TUSC3: variants seen among roughly 807,000 people sequenced by gnomAD.
TUSC3 encodes the protein tumor suppressor candidate 3, also known as dolichyl-diphosphooligosaccharide--protein glycosyltransferase subunit TUSC3.
Under a neutral mutation model 44.8 loss-of-function variants are expected in TUSC3, and 45 were observed. The ratio of observed to expected loss-of-function variants is 1.00; its 90% CI spans 0.79 to 1.29. TUSC3 has a LOEUF of 1.29. TUSC3 is among the 50% of genes most tolerant of loss of function. The probability of loss-of-function intolerance (pLI) is 0.00; values close to 1 mark genes in which losing one functional copy is unlikely to be tolerated. For missense variants in TUSC3, 519 were observed against 437.9 expected (o/e 1.19, Z -1.65); for synonymous variants, 212 against 152.9 (o/e 1.39, Z -2.85).
intron 1 of TUSC3, among the ~76,000 whole-genome samples, chr8:15,481,012 C>G (rs532353793): frequency 2.6e-5 from 4 of 152,176 alleles, no homozygotes; most frequent in African/African-American, 7.2e-5. Flanking sequence ...CTTTGGGAGG[C>G]CAAGGTGGGC....
At chr8:15,758,006 CATT>C (rs1167207402) in intron 10 of TUSC3, 151 bp downstream of exon 10, 3 of 1,441,772 alleles carry the variant, frequency 2.1e-6, no homozygotes, top group Non-Finnish European at 2.7e-6. Flanking sequence ...TCCAGTCTTA[CATT>C]ATTATGTTTA....
intron 1 of TUSC3, among the ~76,000 whole-genome samples, chr8:15,583,331 C>T (rs927397216): frequency 6.6e-5 from 10 of 151,970 alleles, no homozygotes; most frequent in South Asian, 2.1e-4. Flanking sequence ...TAATAAAATG[C>T]GGAACTAATA....
chr8:15,524,477 C>T (rs1029609073), intron 2 of TUSC3, among the ~76,000 whole-genome samples: 14 of 151,964 alleles, frequency 9.2e-5, no homozygotes, highest in East Asian at 3.9e-4. Context: ...AGAGGCTTTG[C>T]GTAAATTGAT....
chr8:15,520,287 C>G (rs1801280133), intron 2 of TUSC3, among the ~76,000 whole-genome samples: 1 of 152,144 alleles, frequency 6.6e-6, no homozygotes, highest in Admixed American at 6.6e-5. Context: ...TCTTTAACAT[C>G]TTGAAGACAA....
intron 2 of TUSC3, among the ~76,000 whole-genome samples, chr8:15,522,392 A>C (rs1563273240): frequency 6.6e-6 from 1 of 151,980 alleles, no homozygotes; most frequent in Non-Finnish European, 1.5e-5. Context: ...GCCAGCACAC[A>C]TGTCTAAATT....
intron 6 of TUSC3, among the ~76,000 whole-genome samples, chr8:15,691,341 T>G (rs995306430): frequency 6.6e-6 from 1 of 152,180 alleles, no homozygotes; most frequent in Non-Finnish European, 1.5e-5. Flanking sequence ...ATGCTATTGA[T>G]TTTTCTGCAT....
chr8:15,476,544 T>C (rs2129123796), intron 1 of TUSC3, among the ~76,000 whole-genome samples: 1 of 152,320 alleles, frequency 6.6e-6, no homozygotes, highest in African/African-American at 2.4e-5. Flanking sequence ...TTCTACATCG[T>C]GCTCAAGAAT....
chr8:15,703,591 G>A (rs1241700146), intron 6 of TUSC3, among the ~76,000 whole-genome samples: 1 of 152,144 alleles, frequency 6.6e-6, no homozygotes, highest in Admixed American at 6.6e-5. Flanking sequence ...AGTACAAGAA[G>A]CATGGCGCCA....
intron 1 of TUSC3, among the ~76,000 whole-genome samples, chr8:15,446,207 T>C (rs1763103690): frequency 7.3e-6 from 1 of 136,428 alleles, no homozygotes; most frequent in Admixed American, 7.3e-5. Flanking sequence ...TCTCAGACGT[T>C]GGGTGGCCGG....
chr8:15,735,438 A>G (rs945580963), intron 7 of TUSC3, among the ~76,000 whole-genome samples: 2 of 152,198 alleles, frequency 1.3e-5, no homozygotes, highest in African/African-American at 4.8e-5. Flanking sequence ...CCTAAGATTG[A>G]TTAGGCCTCA....
intron 1 of TUSC3, among the ~76,000 whole-genome samples, chr8:15,606,269 C>G (rs930902469): frequency 1.3e-4 from 20 of 151,992 alleles, no homozygotes; most frequent in African/African-American, 4.8e-4. Flanking sequence ...CAATACAGTA[C>G]TATAAATGTA....
At chr8:15,492,310 A>G (rs1472723795) in intron 2 of TUSC3, among the ~76,000 whole-genome samples, 2 of 152,224 alleles carry the variant, frequency 1.3e-5, no homozygotes, top group Non-Finnish European at 2.9e-5. Context: ...CCTCAGATCA[A>G]TAACATTTAA....
intron 1 of TUSC3, among the ~76,000 whole-genome samples, chr8:15,608,805 A>G (rs1251703969): frequency 3.3e-5 from 5 of 152,166 alleles, no homozygotes; most frequent in Non-Finnish European, 7.3e-5. Context: ...CTGTCAGTCA[A>G]TTAAACCTCT....
intron 10 of TUSC3, 170 bp downstream of exon 10, chr8:15,758,025 C>G: frequency 7.1e-7 from 1 of 1,412,780 alleles, no homozygotes; most frequent in Non-Finnish European, 9.2e-7. Context: ...GTTTATCTGC[C>G]ACAGGGAGAA....
chr8:15,738,790 C>G (rs912569147), intron 7 of TUSC3, among the ~76,000 whole-genome samples: 2 of 144,248 alleles, frequency 1.4e-5, no homozygotes, highest in Admixed American at 7.1e-5. Context: ...CATCTTTTCA[C>G]TTGGTATGGT....
upstream of TUSC3, among the ~76,000 whole-genome samples, chr8:15,535,998 CT>C (rs1273560188): frequency 1.3e-5 from 2 of 152,116 alleles, no homozygotes; most frequent in Non-Finnish European, 2.9e-5. Flanking sequence ...TTTTTTGCAA[CT>C]TTTTTAAAGC....
At chr8:15,705,507 CT>C (rs1205238401) in intron 6 of TUSC3, among the ~76,000 whole-genome samples, 7 of 152,070 alleles carry the variant, frequency 4.6e-5, no homozygotes, top group African/African-American at 1.7e-4. Flanking sequence ...AAAATATTTT[CT>C]TGTATATAAC....
At chr8:15,839,819 C>T in the TUSC3 span, among the ~76,000 whole-genome samples, 11 of 152,234 alleles carry the variant, frequency 7.2e-5, no homozygotes, top group South Asian at 2.1e-4. Flanking sequence ...GACAGTGTGG[C>T]GATTCCTCAG....
chr8:15,465,282 TA>T (rs776945604), intron 1 of TUSC3, among the ~76,000 whole-genome samples: 5 of 152,130 alleles, frequency 3.3e-5, no homozygotes, highest in Non-Finnish European at 7.3e-5. Context: ...ACTCTTAGTG[TA>T]AGGATAGAAG....
Sources: allele counts gnomAD v4.1 joint callset (sites outside exome capture counted in the v4.1 genomes callset), GRCh38; gene constraint gnomAD v4.1.1; transcripts MANE v1.5; gene names NCBI Gene and HGNC (gene_info 2026-07-23, HGNC 2026-07-21).